Variants in EIF2AK2 observed in about 807,000 individuals in gnomAD.
The protein encoded by EIF2AK2 is interferon-induced, double-stranded RNA-activated protein kinase.
In EIF2AK2, 40 loss-of-function variants were observed where a neutral mutation model predicts 70.5. The observed-to-expected ratio is 0.57, with a 90% CI of 0.44 to 0.74. The LOEUF (loss-of-function observed/expected upper bound fraction) is 0.74. Ranked by LOEUF, EIF2AK2 falls within the 30% of genes least tolerant of loss-of-function variation. The pLI is 0.00. For missense variants in EIF2AK2, 555 were observed against 644.3 expected, an observed-to-expected ratio of 0.86 and a Z score of 1.50; for synonymous variants, 198 against 220.9, an observed-to-expected ratio of 0.90 and a Z score of 0.92.
At position 37,100,005 on chromosome 2, in the gene EIF2AK2, G is replaced by A. The variant is rs564762368; in HGVS notation, c.*7268C>T. On this transcript the variant is annotated 3_prime_UTR_variant, in exon 17 of 17. Transcript: ENST00000233057. Reference sequence around the variant, plus strand: ...GTGAGAAAACAGAGTGAATACTAACGGGCATAGGGTTTCTTTTGGGGGTGA... The same window carrying A: ...GTGAGAAAACAGAGTGAATACTAACAGGCATAGGGTTTCTTTTGGGGGTGA... 4 of 152,284 alleles carry A rather than the reference G, an allele frequency of 2.6e-5. No individual in the cohort carries two copies. In the East Asian group the frequency reaches 5.8e-4, roughly 22 times the overall value. 9.4% of individuals were successfully genotyped at this position (152,284 alleles called of 1,614,324 possible).
chr2:37,151,401 T>A (rs1675736300), intron 1 of EIF2AK2, among the ~76,000 whole-genome samples: 2 of 151,974 alleles, frequency 1.3e-5, no homozygotes, highest in African/African-American at 4.8e-5. Context: ...CTAAATACAA[T>A]TTCACACCCA....
chr2:37,126,967 G>GAAAA lies in EIF2AK2; in HGVS notation c.786-560_786-557dup, dbSNP rs57802509. Among the ~76,000 whole-genome samples, 23 of 52,164 alleles carry GAAAA rather than the reference G, an allele frequency of 4.4e-4. 1 individual carries two copies. Among genetic ancestry groups the GAAAA allele is most frequent in the South Asian group, 8.9e-4 (1 of 1,122 alleles). 34.2% of individuals were successfully genotyped at this position (52,164 alleles called of 152,430 possible). On this transcript the variant is annotated intron_variant, in intron 10 of 16. Coordinates refer to ENST00000233057, the MANE Select transcript of EIF2AK2 (RefSeq NM_001135651.3). ...AATGAAACTCCATCTCAAAAAAACAGAAAAAAAAAAAAAAAAAAAAAAAAA... is the reference window on the plus strand; with the variant it reads ...AATGAAACTCCATCTCAAAAAAACAGAAAAAAAAAAAAAAAAAAAAAAAAAAAAA...
chr2:37,131,778 A>G (rs1381735231), intron 10 of EIF2AK2, among the ~76,000 whole-genome samples: 2 of 152,150 alleles, frequency 1.3e-5, no homozygotes, highest in Admixed American at 6.5e-5. Context: ...TTGTGATGAT[A>G]CCCACTGTCT....
chr2:37,155,170 C>T (rs1285665321), intron 1 of EIF2AK2, among the ~76,000 whole-genome samples: 3 of 152,144 alleles, frequency 2.0e-5, no homozygotes, highest in Non-Finnish European at 1.5e-5. Flanking sequence ...CTGCTCCCTC[C>T]TAAAATGCCC....
chr2:37,139,549 A>G (rs1675255011), intron 6 of EIF2AK2, 82 bp downstream of exon 6: 3 of 1,540,782 alleles, frequency 1.9e-6, no homozygotes, highest in Non-Finnish European at 2.6e-6. Flanking sequence ...CTGTCTTGGC[A>G]TAATGTTAAC....
At chr2:37,133,932 T>G (rs1352648301) in intron 10 of EIF2AK2, among the ~76,000 whole-genome samples, 1 of 152,180 alleles carries the variant, frequency 6.6e-6, no homozygotes, top group Admixed American at 6.5e-5. Flanking sequence ...AATTCCCTAA[T>G]CACATCAACC....
At position 37,107,657 on chromosome 2, in the gene EIF2AK2, A is replaced by T. The variant is rs1217811662; in HGVS notation, c.1480-130T>A. ...TTTGGGAAAGTCTCTTTAGCCAAGA[A>T]GCAAGCAGGATTCCCTCTCTCCTAC... On this transcript the variant is annotated intron_variant, in intron 15 of 16. Transcript: ENST00000233057. 1.5e-5 allele frequency: 14 copies of T among 945,008 alleles called. No individual in the cohort carries two copies. The East Asian group carries it at 3.2e-4, about 21-fold the overall frequency. 58.5% of individuals were successfully genotyped at this position (945,008 alleles called of 1,614,324 possible).
At chr2:37,148,387 G>A in intron 2 of EIF2AK2, 1 of 319,312 alleles carries the variant, frequency 3.1e-6, no homozygotes, top group Non-Finnish European at 5.9e-6. Context: ...GACAGGCTGG[G>A]AAATGAACGG....
intron 14 of EIF2AK2, among the ~76,000 whole-genome samples, chr2:37,113,501 A>G (rs868020363): frequency 2.2e-3 from 329 of 148,956 alleles, no homozygotes; most frequent in African/African-American, 7.8e-3. Flanking sequence ...TCCATCTCAA[A>G]AAAAAAAAAA....
At chr2:37,123,615 T>C (rs985026968) in intron 11 of EIF2AK2, among the ~76,000 whole-genome samples, 2 of 152,208 alleles carry the variant, frequency 1.3e-5, no homozygotes, top group Non-Finnish European at 2.9e-5. Context: ...TGCTTAGATT[T>C]GTGTTAAAAT....
chr2:37,121,730 T>G (rs1390595465), intron 12 of EIF2AK2, among the ~76,000 whole-genome samples: 1 of 151,400 alleles, frequency 6.6e-6, no homozygotes, highest in Non-Finnish European at 1.5e-5. Flanking sequence ...CAGGAAGAGG[T>G]AGCCAAGAAT....
intron 11 of EIF2AK2, 56 bp downstream of exon 11, chr2:37,126,233 T>A (rs1674722948): frequency 6.6e-7 from 1 of 1,506,978 alleles, no homozygotes; most frequent in African/African-American, 1.4e-5. Context: ...TAAAAAAGAA[T>A]AGTGCAGATT....
chr2:37,147,680 C>G lies in EIF2AK2; in HGVS notation c.119+8G>C, dbSNP rs1436962546. 6.3e-7 allele frequency: 1 copy of G among 1,575,804 alleles called. No homozygotes were observed. Among genetic ancestry groups the G allele is most frequent in the Admixed American group, 1.7e-5 (1 of 59,100 alleles). ...ATGGCTGCCATATCATTTTTTATAGCAACCTACCTCCTATCATGTGGAGGT... is the reference window on the plus strand; with the variant it reads ...ATGGCTGCCATATCATTTTTTATAGGAACCTACCTCCTATCATGTGGAGGT... On this transcript the variant is annotated splice_region_variant and intron_variant, in intron 3 of 16. Coordinates refer to ENST00000233057, the MANE Select transcript of EIF2AK2 (RefSeq NM_001135651.3).
rs764182822 is a variant in EIF2AK2, at chr2:37,122,705, A to T, written c.909-41T>A. 2.7e-5 allele frequency: 43 copies of T among 1,612,174 alleles called. 1 individual carries two copies. In the South Asian group the frequency reaches 4.6e-4, roughly 17 times the overall value. The stretch of plus-strand genomic sequence containing the variant: ...AGGGAACATGGCAGTGTCAGTGTAC[A>T]TCCCTCATAACAACCACAAAACACC... On this transcript the variant is annotated intron_variant, in intron 11 of 16. Transcript: ENST00000233057.
At position 37,129,106 on chromosome 2, in the gene EIF2AK2, T is replaced by C. The variant is rs529485678; in HGVS notation, c.786-2695A>G. On this transcript the variant is annotated intron_variant, in intron 10 of 16. Coordinates refer to ENST00000233057, the MANE Select transcript of EIF2AK2 (RefSeq NM_001135651.3). ...AATTAGAGGAGGGCCCCCAGACATC[T>C]TGGTGGGAGCTCCTAAATGCGACCT... is the stretch of plus-strand genomic sequence containing the variant. 2.6e-5 allele frequency among the ~76,000 whole-genome samples: 4 copies of C among 152,224 alleles called. No homozygotes were observed. The East Asian group carries it at 7.7e-4, about 29-fold the overall frequency.
intron 10 of EIF2AK2, among the ~76,000 whole-genome samples, chr2:37,132,325 G>GC (rs34847583): frequency 1 from 152,366 of 152,366 alleles, 76,183 homozygotes; most frequent in Non-Finnish European, 1. Flanking sequence ...AGGTGCGGTA[G>GC]TCACGCCTGT....
intron 14 of EIF2AK2, among the ~76,000 whole-genome samples, chr2:37,113,925 C>T (rs1674246560): frequency 6.6e-6 from 1 of 152,104 alleles, no homozygotes; most frequent in Admixed American, 6.6e-5. Context: ...ATGCACTGGT[C>T]AATCTATTCA....
At chr2:37,116,086 A>C (rs1398420400) in intron 13 of EIF2AK2, among the ~76,000 whole-genome samples, 1 of 151,908 alleles carries the variant, frequency 6.6e-6, no homozygotes, top group Non-Finnish European at 1.5e-5. Context: ...TTTAGTAGAG[A>C]CAGATTTTCA....
rs1675337877 is a variant in EIF2AK2, at chr2:37,141,683, A to G, written c.259T>C (p.Leu87=). 2 of 1,613,224 alleles carry G rather than the reference A, an allele frequency of 1.2e-6. No homozygotes were observed. The highest frequency in any genetic ancestry group is 1.7e-6 in the Non-Finnish European group (2 of 1,179,752). Residue 87 remains leucine (L), a synonymous_variant, in exon 5 of 17, where the codon TTG becomes CTG. Coordinates refer to ENST00000233057, the MANE Select transcript of EIF2AK2 (RefSeq NM_001135651.3). ...CCTTCTGAAGAATTCGTTGTTGTCA[A>G]TAATAAAGGACTAACTGCCTACAAA... ...KEKKAVSPLL[L]TTTNSSEGLS...
Sources: gnomAD v4.1 joint callset for allele counts (sites outside exome capture counted in the v4.1 genomes callset) on GRCh38, gnomAD v4.1.1 for gene constraint, MANE v1.5 for transcripts, NCBI Gene and HGNC (gene_info 2026-07-23, HGNC 2026-07-21) for gene names.